The following NCOA1 variants were observed in gnomAD, a reference collection of about 807,000 sequenced individuals.
The protein encoded by NCOA1 is nuclear receptor coactivator 1.
NCOA1 carries 35 observed loss-of-function variants against 150.9 expected under a neutral mutation model. The ratio of observed to expected loss-of-function variants is 0.23; its 90% CI spans 0.18 to 0.31. The LOEUF is 0.31. NCOA1 is among the 10% of genes least tolerant of loss of function. NCOA1 has a pLI of 1.00. For missense variants in NCOA1, 1,491 were observed against 1,749.3 expected, an observed-to-expected ratio of 0.85 and a Z score of 2.63; for synonymous variants, 590 against 630.0, an observed-to-expected ratio of 0.94 and a Z score of 0.95.
chr2:24,629,817 C>CATACAT (rs1553439183), intron 3 of NCOA1, among the ~76,000 whole-genome samples: 1 of 79,342 alleles, frequency 1.3e-5, no homozygotes, highest in African/African-American at 4.5e-5. Flanking sequence ...AACATACATA[C>CATACAT]ATATATATAT....
rs189929665 is a variant in NCOA1, at chr2:24,510,408, A to G, written c.-396+18806A>G. ...GTTGCCCAGATGGGAGTGAAGTGGCATGATCATAGCTGACTGCAGCCTCAA... is the reference window on the plus strand; with the variant it reads ...GTTGCCCAGATGGGAGTGAAGTGGCGTGATCATAGCTGACTGCAGCCTCAA... On this transcript the variant is annotated intron_variant, in intron 1 of 22. Transcript: ENST00000348332. Among the ~76,000 whole-genome samples the G allele has an allele frequency of 2.6e-5, 4 of 152,212 alleles. No individual in the cohort carries two copies. The East Asian group carries it at 5.8e-4, about 22-fold the overall frequency.
intron 4 of NCOA1, among the ~76,000 whole-genome samples, chr2:24,656,657 C>G: frequency 6.6e-6 from 1 of 152,228 alleles, no homozygotes; most frequent in East Asian, 1.9e-4. Context: ...AACCACTATT[C>G]TGCTATCTAC....
intron 3 of NCOA1, among the ~76,000 whole-genome samples, chr2:24,642,997 GA>G (rs1670300339): frequency 6.6e-6 from 1 of 152,204 alleles, no homozygotes; most frequent in Admixed American, 6.5e-5. Context: ...TAAACAGCAT[GA>G]AACAATTCAG....
At chr2:24,515,731 G>A (rs1452583370) in intron 1 of NCOA1, among the ~76,000 whole-genome samples, 1 of 152,152 alleles carries the variant, frequency 6.6e-6, no homozygotes, top group East Asian at 1.9e-4. Flanking sequence ...AAAAGTAGGA[G>A]GGAGAAAAAA....
chr2:24,621,553 A>ACCTCCTGGGTTC (rs55751342), intron 3 of NCOA1, among the ~76,000 whole-genome samples: 9,843 of 138,908 alleles, frequency 0.071, 348 homozygotes, highest in East Asian at 0.13. Flanking sequence ...TGCAACCTCC[A>ACCTCCTGGGTTC]CCTCCTGGGT....
intron 2 of NCOA1, among the ~76,000 whole-genome samples, chr2:24,567,897 C>T (rs1045290673): frequency 6.6e-6 from 1 of 152,076 alleles, no homozygotes; most frequent in Non-Finnish European, 1.5e-5. Flanking sequence ...GTGTGCACAA[C>T]CACACCTGGC....
At chr2:24,560,092 T>G (rs924134080) in intron 1 of NCOA1, among the ~76,000 whole-genome samples, 3 of 152,172 alleles carry the variant, frequency 2.0e-5, no homozygotes, top group Non-Finnish European at 4.4e-5. Context: ...ATACTAATCT[T>G]TCTTGTGAGC....
At chr2:24,627,270 G>A (rs993404487) in intron 3 of NCOA1, among the ~76,000 whole-genome samples, 7 of 151,296 alleles carry the variant, frequency 4.6e-5, no homozygotes, top group Admixed American at 1.3e-4. Flanking sequence ...ATTAAACTTT[G>A]CATCCCCCAA....
chr2:24,569,022 T>C (rs1437307293), intron 2 of NCOA1, among the ~76,000 whole-genome samples: 1 of 152,004 alleles, frequency 6.6e-6, no homozygotes, highest in Non-Finnish European at 1.5e-5. Context: ...CAACTATAGC[T>C]GCAGGAAATG....
chr2:24,704,584 C>T (rs1309446545), intron 11 of NCOA1, among the ~76,000 whole-genome samples: 1 of 152,092 alleles, frequency 6.6e-6, no homozygotes, highest in African/African-American at 2.4e-5. Context: ...CAAGACCAGC[C>T]TGACCAACAT....
intron 11 of NCOA1, among the ~76,000 whole-genome samples, chr2:24,703,349 A>T (rs1167682669): frequency 6.6e-6 from 1 of 152,180 alleles, no homozygotes; most frequent in Non-Finnish European, 1.5e-5. Flanking sequence ...GTTCTAATTA[A>T]TTGAAGTTTT....
At chr2:24,620,565 C>T (rs1200795008) in intron 3 of NCOA1, among the ~76,000 whole-genome samples, 2 of 152,120 alleles carry the variant, frequency 1.3e-5, no homozygotes, top group Non-Finnish European at 2.9e-5. Flanking sequence ...GCTGAGATCA[C>T]GCCATTGTAC....
chr2:24,637,287 G>A (rs1669982327), intron 3 of NCOA1, among the ~76,000 whole-genome samples: 1 of 132,254 alleles, frequency 7.6e-6, no homozygotes, highest in African/African-American at 2.9e-5. Context: ...CTGTGTCCAC[G>A]TGTCAGGGAT....
intron 19 of NCOA1, among the ~76,000 whole-genome samples, chr2:24,743,437 T>G (rs1247784882): frequency 6.6e-6 from 1 of 152,204 alleles, no homozygotes; most frequent in Non-Finnish European, 1.5e-5. Context: ...TAAAGAGATT[T>G]TAATCAAAAT....
At chr2:24,537,353 C>A (rs1665197835) in intron 1 of NCOA1, among the ~76,000 whole-genome samples, 1 of 151,628 alleles carries the variant, frequency 6.6e-6, no homozygotes, top group African/African-American at 2.4e-5. Context: ...AGACATTATG[C>A]TAAGTGAAGT....
chr2:24,711,727 G>A (rs2148605579), intron 14 of NCOA1, among the ~76,000 whole-genome samples: 1 of 152,278 alleles, frequency 6.6e-6, no homozygotes, highest in East Asian at 1.9e-4. Flanking sequence ...TCTAACCCAA[G>A]TTAGCATTTT....
intron 3 of NCOA1, among the ~76,000 whole-genome samples, chr2:24,606,097 T>G (rs909789451): frequency 6.6e-6 from 1 of 152,174 alleles, no homozygotes; most frequent in African/African-American, 2.4e-5. Context: ...TTAAAAAAAT[T>G]TATCGGGAAT....
At chr2:24,634,922 G>A (rs1013528404) in intron 3 of NCOA1, among the ~76,000 whole-genome samples, 18 of 152,004 alleles carry the variant, frequency 1.2e-4, no homozygotes, top group Non-Finnish European at 2.4e-4. Flanking sequence ...TCACTTTGTT[G>A]CCCAAGCTAT....
chr2:24,713,247 A>G (rs1335185451), intron 14 of NCOA1, among the ~76,000 whole-genome samples: 1 of 151,828 alleles, frequency 6.6e-6, no homozygotes, highest in Non-Finnish European at 1.5e-5. Context: ...TAATTAATTA[A>G]TTAATTAATT....
Sources: gnomAD v4.1 joint callset for allele counts (sites outside exome capture counted in the v4.1 genomes callset) on GRCh38, gnomAD v4.1.1 for gene constraint, MANE v1.5 for transcripts, NCBI Gene and HGNC (gene_info 2026-07-23, HGNC 2026-07-21) for gene names.